SPIDR: variants seen among roughly 807,000 people sequenced by gnomAD.
The protein encoded by SPIDR is scaffold protein involved in DNA repair.
In SPIDR, 93 loss-of-function variants were observed where a neutral mutation model predicts 104.6. That is an observed-to-expected ratio of 0.89 (90% CI 0.75 to 1.06). SPIDR has a LOEUF of 1.06. Ranked by LOEUF, SPIDR falls within the 50% of genes least tolerant of loss-of-function variation. The pLI, the probability that SPIDR is intolerant of heterozygous loss-of-function variation, is 0.00. For missense variants in SPIDR, 1,154 were observed against 1,111.2 expected (o/e 1.04, Z -0.55); for synonymous variants, 431 against 416.9 (o/e 1.03, Z -0.41).
chr8:47,274,755 T>C (rs2154217041), intron 1 of SPIDR, among the ~76,000 whole-genome samples: 1 of 151,616 alleles, frequency 6.6e-6, no homozygotes, highest in Admixed American at 6.6e-5. Flanking sequence ...TTTGTATTTT[T>C]AGTAGAGACG....
At chr8:47,296,218 A>G (rs2040818343) in intron 5 of SPIDR, among the ~76,000 whole-genome samples, 1 of 152,130 alleles carries the variant, frequency 6.6e-6, no homozygotes. Flanking sequence ...CTCTCAATCC[A>G]TGGCACATCT....
chr8:47,386,112 C>CT (rs1298547987), intron 5 of SPIDR, among the ~76,000 whole-genome samples: 1 of 151,594 alleles, frequency 6.6e-6, no homozygotes, highest in Non-Finnish European at 1.5e-5. Context: ...CTTTTGCACT[C>CT]TTATTTTTAT....
intron 19 of SPIDR, 133 bp downstream of exon 19, chr8:47,729,598 C>A (rs1453521537): frequency 3.0e-6 from 3 of 984,544 alleles, no homozygotes; most frequent in East Asian, 2.7e-5. Context: ...TGTAGACACT[C>A]GAGAGTGAAA....
chr8:47,288,584 A>G (rs1367702084), intron 3 of SPIDR, among the ~76,000 whole-genome samples: 2 of 152,332 alleles, frequency 1.3e-5, no homozygotes, highest in East Asian at 3.9e-4. Flanking sequence ...CTCCCTGCTG[A>G]TAACTTCCTT....
chr8:47,613,516 G>T (rs2063865633), intron 10 of SPIDR, among the ~76,000 whole-genome samples: 1 of 152,112 alleles, frequency 6.6e-6, no homozygotes, highest in Non-Finnish European at 1.5e-5. Context: ...GATATGCTTA[G>T]GAGTAAGTTA....
chr8:47,701,668 T>C, intron 12 of SPIDR, 53 bp from the exon 13 acceptor site: 1 of 1,555,670 alleles, frequency 6.4e-7, no homozygotes, highest in Non-Finnish European at 8.8e-7. Flanking sequence ...TATCTCCTCT[T>C]TTTGAGTCTT....
chr8:47,368,244 T>A (rs2057481143), intron 5 of SPIDR, among the ~76,000 whole-genome samples: 1 of 146,518 alleles, frequency 6.8e-6, no homozygotes, highest in African/African-American at 2.5e-5. Flanking sequence ...ACCACCACAT[T>A]GGTGATTAGT....
At chr8:47,483,857 G>C (rs539049651) in intron 8 of SPIDR, among the ~76,000 whole-genome samples, 1 of 152,190 alleles carries the variant, frequency 6.6e-6, no homozygotes, top group Non-Finnish European at 1.5e-5. Context: ...AGTGGCTCCT[G>C]TGCATTCTTA....
intron 10 of SPIDR, among the ~76,000 whole-genome samples, chr8:47,608,282 C>G (rs1292000033): frequency 6.6e-6 from 1 of 152,110 alleles, no homozygotes; most frequent in Non-Finnish European, 1.5e-5. Flanking sequence ...TACTTCATTC[C>G]TTGTTATGGA....
chr8:47,685,501 A>ATTTTTTTTT lies in SPIDR; in HGVS notation c.1685+11563_1685+11564insTTTTTTTTT, dbSNP rs1326028640. The stretch of plus-strand genomic sequence containing the variant: ...GTTTTATTTATTTATTTATTTATTT[A>ATTTTTTTTT]TTTATTTATTTATTTATTTTTTTGA... On this transcript the variant is annotated intron_variant, in intron 11 of 19. Transcript: ENST00000297423. 2.0e-3 allele frequency among the ~76,000 whole-genome samples: 221 copies of ATTTTTTTTT among 110,188 alleles called. 2 individuals carry two copies. The highest frequency in any genetic ancestry group is 4.2e-3 in the East Asian group (13 of 3,064). The allele number at this position is 110,188 out of a possible 152,430, so 72.3% of individuals were successfully genotyped here. A position where few individuals can be genotyped will look rare whatever the true frequency, so the allele number is the denominator to read the frequency against.
intron 8 of SPIDR, among the ~76,000 whole-genome samples, chr8:47,466,384 A>G (rs1358654138): frequency 1.3e-5 from 2 of 152,214 alleles, no homozygotes; most frequent in East Asian, 1.9e-4. Context: ...AAAACCGTAC[A>G]ATTACATGGA....
At chr8:47,481,763 C>T (rs144979096) in intron 8 of SPIDR, among the ~76,000 whole-genome samples, 3 of 152,298 alleles carry the variant, frequency 2.0e-5, no homozygotes, top group African/African-American at 4.8e-5. Flanking sequence ...ACAAGGTTGA[C>T]TCTACATAAT....
At chr8:47,306,366 C>T (rs2043097618) in intron 5 of SPIDR, among the ~76,000 whole-genome samples, 1 of 152,170 alleles carries the variant, frequency 6.6e-6, no homozygotes, top group Non-Finnish European at 1.5e-5. Flanking sequence ...GTCTTGAACT[C>T]TTGACCTCAA....
intron 5 of SPIDR, among the ~76,000 whole-genome samples, chr8:47,353,901 G>A (rs1163250756): frequency 6.6e-6 from 1 of 152,046 alleles, no homozygotes; most frequent in Non-Finnish European, 1.5e-5. Flanking sequence ...TGTTAGGTGG[G>A]TCTGGGAAAT....
chr8:47,532,177 C>T (rs1372214194), intron 8 of SPIDR, among the ~76,000 whole-genome samples: 1 of 149,532 alleles, frequency 6.7e-6, no homozygotes, highest in South Asian at 2.2e-4. Flanking sequence ...TCAAGCAATT[C>T]TCCTGCCTCA....
At chr8:47,303,694 C>T (rs2042636419) in intron 5 of SPIDR, among the ~76,000 whole-genome samples, 2 of 152,114 alleles carry the variant, frequency 1.3e-5, no homozygotes, top group South Asian at 4.1e-4. Flanking sequence ...TCTTTGCATC[C>T]CAAGGGTAAA....
At chr8:47,336,387 G>A (rs1054495281) in intron 5 of SPIDR, among the ~76,000 whole-genome samples, 3 of 152,180 alleles carry the variant, frequency 2.0e-5, no homozygotes, top group Admixed American at 2.0e-4. Context: ...AAAGAGTATT[G>A]CCAAAGAAGA....
chr8:47,624,822 G>T (rs1156809499), intron 10 of SPIDR, among the ~76,000 whole-genome samples: 5 of 152,124 alleles, frequency 3.3e-5, no homozygotes, highest in Admixed American at 6.6e-5. Flanking sequence ...GGAGGAGCTG[G>T]TACCATTCCT....
chr8:47,296,310 T>G (rs1396134853), intron 5 of SPIDR, among the ~76,000 whole-genome samples: 1 of 152,208 alleles, frequency 6.6e-6, no homozygotes, highest in Non-Finnish European at 1.5e-5. Context: ...TGTCAGTGCT[T>G]TTAGGGTAAT....
Sources: allele counts gnomAD v4.1 joint callset (sites outside exome capture counted in the v4.1 genomes callset), GRCh38; gene constraint gnomAD v4.1.1; transcripts MANE v1.5; gene names NCBI Gene and HGNC (gene_info 2026-07-23, HGNC 2026-07-21).